Variants in COL4A1 observed in about 807,000 individuals in gnomAD.
COL4A1 encodes the protein collagen type IV alpha 1 chain, also known as collagen alpha-1(IV) chain.
Under a neutral mutation model 216.6 loss-of-function variants are expected in COL4A1, and 40 were observed. That is an observed-to-expected ratio of 0.18 (90% CI 0.14 to 0.24). The LOEUF (loss-of-function observed/expected upper bound fraction) is 0.24. COL4A1 is among the 10% of genes least tolerant of loss of function. The probability of loss-of-function intolerance (pLI) is 1.00; values close to 1 mark genes in which losing one functional copy is unlikely to be tolerated. For missense variants in COL4A1, 1,628 were observed against 2,196.8 expected, an observed-to-expected ratio of 0.74 and a Z score of 5.18; for synonymous variants, 839 against 810.7, an observed-to-expected ratio of 1.03 and a Z score of -0.59.
chr13:110,282,170 G>A (rs919044484), intron 1 of COL4A1, among the ~76,000 whole-genome samples: 7 of 152,176 alleles, frequency 4.6e-5, no homozygotes, highest in African/African-American at 1.7e-4. Context: ...CTGGAGAGGT[G>A]GCATATCAAT....
intron 2 of COL4A1, among the ~76,000 whole-genome samples, chr13:110,241,894 C>A (rs1291064797): frequency 6.6e-6 from 1 of 152,196 alleles, no homozygotes; most frequent in Non-Finnish European, 1.5e-5. Context: ...AAACAGTATC[C>A]TACAGAGTAT....
At chr13:110,167,795 T>G (rs569103994) in intron 43 of COL4A1, among the ~76,000 whole-genome samples, 10 of 152,358 alleles carry the variant, frequency 6.6e-5, no homozygotes, top group African/African-American at 2.4e-4. Context: ...TCTTTCCATT[T>G]CAACAAGTCG....
At chr13:110,288,219 G>A (rs377491627) in intron 1 of COL4A1, among the ~76,000 whole-genome samples, 23 of 151,026 alleles carry the variant, frequency 1.5e-4, no homozygotes, top group Middle Eastern at 3.4e-3. Flanking sequence ...AGCCGAGATC[G>A]TGCCATTGCA....
chr13:110,258,459 G>T (rs1408418875), intron 1 of COL4A1, among the ~76,000 whole-genome samples: 3 of 152,152 alleles, frequency 2.0e-5, no homozygotes, highest in African/African-American at 4.8e-5. Context: ...AGAATCGCTT[G>T]AACCCAGGAG....
At chr13:110,155,013 C>T (rs1432316999) in intron 50 of COL4A1, among the ~76,000 whole-genome samples, 1 of 152,246 alleles carries the variant, frequency 6.6e-6, no homozygotes, top group African/African-American at 2.4e-5. Flanking sequence ...AAGCAGAGGC[C>T]TGGGCCTGCA....
chr13:110,272,919 G>T (rs542004274), intron 1 of COL4A1, among the ~76,000 whole-genome samples: 1 of 152,304 alleles, frequency 6.6e-6, no homozygotes, highest in African/African-American at 2.4e-5. Flanking sequence ...TGGACCCCAG[G>T]CATCGCTCCT....
At chr13:110,240,487 T>G (rs1459017813) in intron 2 of COL4A1, among the ~76,000 whole-genome samples, 1 of 152,222 alleles carries the variant, frequency 6.6e-6, no homozygotes, top group Non-Finnish European at 1.5e-5. Context: ...AACTTCCACG[T>G]GGCCCCACAC....
intron 1 of COL4A1, among the ~76,000 whole-genome samples, chr13:110,304,583 G>C (rs1457107911): frequency 5.3e-5 from 8 of 152,212 alleles, no homozygotes; most frequent in Non-Finnish European, 1.2e-4. Context: ...TCTGGAGCCT[G>C]CAAGCTATTC....
At chr13:110,253,903 G>A (rs372968271) in intron 1 of COL4A1, among the ~76,000 whole-genome samples, 44 of 151,618 alleles carry the variant, frequency 2.9e-4, no homozygotes, top group African/African-American at 1.0e-3. Flanking sequence ...CTGTCTTCAT[G>A]CCCATCAACA....
At chr13:110,222,668 GAGGCTGAGGC>G (rs1330890817) in intron 2 of COL4A1, among the ~76,000 whole-genome samples, 7 of 144,952 alleles carry the variant, frequency 4.8e-5, no homozygotes, top group African/African-American at 1.7e-4. Context: ...AGCTACTCGG[GAGGCTGAGGC>G]AAGAGAATGG....
At chr13:110,251,294 T>C (rs1882061882) in intron 1 of COL4A1, among the ~76,000 whole-genome samples, 1 of 152,214 alleles carries the variant, frequency 6.6e-6, no homozygotes, top group Non-Finnish European at 1.5e-5. Context: ...TTTCAACATC[T>C]GACTCCCAAG....
Position 110,177,057 on chromosome 13 carries a change from C to G in COL4A1, c.2717-20G>C. ...GGTCCCCTGCAGAGGAAAGAGAAGG[C>G]ACTGGTGAGCCTGGGCCAGTGTCAC... On this transcript the variant is annotated intron_variant, in intron 33 of 51. Transcript: ENST00000375820. The G allele has an allele frequency of 1.9e-6, 3 of 1,613,006 alleles. No individual in the cohort carries two copies. In the South Asian group the frequency reaches 3.3e-5, roughly 18 times the overall value.
At chr13:110,283,811 G>C (rs1883732341) in intron 1 of COL4A1, among the ~76,000 whole-genome samples, 1 of 152,186 alleles carries the variant, frequency 6.6e-6, no homozygotes, top group African/African-American at 2.4e-5. Flanking sequence ...CAGCAGCAGT[G>C]GGTGGCATTT....
At chr13:110,279,846 G>A (rs4773139) in intron 1 of COL4A1, among the ~76,000 whole-genome samples, 24,502 of 152,200 alleles carry the variant, frequency 0.16, 2,411 homozygotes, top group Admixed American at 0.24. Flanking sequence ...GTGCTGGCCT[G>A]TCTCCCGTGG....
At chr13:110,181,717 T>A (rs1016146106) in intron 28 of COL4A1, among the ~76,000 whole-genome samples, 17 of 152,142 alleles carry the variant, frequency 1.1e-4, no homozygotes, top group African/African-American at 4.1e-4. Flanking sequence ...AGAAGGGCAC[T>A]TTATTCATCT....
At chr13:110,218,060 A>T (rs1374788917) in intron 2 of COL4A1, among the ~76,000 whole-genome samples, 1 of 152,228 alleles carries the variant, frequency 6.6e-6, no homozygotes, top group African/African-American at 2.4e-5. Flanking sequence ...CTAAGTCAGA[A>T]ATTCAAATAC....
chr13:110,264,672 A>G (rs1882952762), intron 1 of COL4A1, among the ~76,000 whole-genome samples: 2 of 152,238 alleles, frequency 1.3e-5, no homozygotes, highest in Admixed American at 6.5e-5. Flanking sequence ...ACTTTGGCCC[A>G]GTGAATCAAA....
chr13:110,208,119 C>T (rs1406448307), intron 12 of COL4A1, among the ~76,000 whole-genome samples: 21 of 152,204 alleles, frequency 1.4e-4, no homozygotes, highest in Admixed American at 7.9e-4. Context: ...ATCTGGCCTT[C>T]CACAGGCTGG....
intron 1 of COL4A1, among the ~76,000 whole-genome samples, chr13:110,254,352 C>G (rs1165916781): frequency 6.6e-6 from 1 of 152,160 alleles, no homozygotes. Context: ...ATCAACAGAA[C>G]TCTCTTTGAA....
Sources: allele counts gnomAD v4.1 joint callset (sites outside exome capture counted in the v4.1 genomes callset), GRCh38; gene constraint gnomAD v4.1.1; transcripts MANE v1.5; gene names NCBI Gene and HGNC (gene_info 2026-07-23, HGNC 2026-07-21).